ATP13A4: variants seen among roughly 807,000 people sequenced by gnomAD.
The protein encoded by ATP13A4 is probable cation-transporting ATPase 13A4.
ATP13A4 carries 114 observed loss-of-function variants against 142.5 expected under a neutral mutation model. The ratio of observed to expected loss-of-function variants is 0.80; its 90% CI spans 0.69 to 0.93. ATP13A4 has a LOEUF of 0.93. ATP13A4 is among the 40% of genes least tolerant of loss of function. ATP13A4 has a pLI of 0.00. For missense variants in ATP13A4, 1,392 were observed against 1,454.0 expected, an observed-to-expected ratio of 0.96 and a Z score of 0.69; for synonymous variants, 488 against 514.8, an observed-to-expected ratio of 0.95 and a Z score of 0.70.
At position 193,402,861 on chromosome 3, in the gene ATP13A4, C is replaced by A. The variant is rs746075290; in HGVS notation, c.3382G>T (p.Ala1128Ser). The change falls in exon 30 of 30, where the codon GCT becomes TCT. Residue 1128 changes from alanine to serine, a missense_variant. By Grantham distance (99) the Ala-to-Ser change is moderately conservative (BLOSUM62 1). Coordinates refer to ENST00000342695, the MANE Select transcript of ATP13A4 (RefSeq NM_032279.4). ...CACAGGGCTCGATTTTCAATAACAG[C>A]CTCCTGCAAAATAAAATAATTACTT... ...NFIVSLVAEE[A>S]VIENRALWMM... is the part of the protein sequence containing the mutation. 3.9e-5 allele frequency: 63 copies of A among 1,613,636 alleles called. No homozygotes were observed. Among genetic ancestry groups the A allele is most frequent in the Admixed American group, 3.0e-4 (18 of 59,974 alleles).
intron 2 of ATP13A4, among the ~76,000 whole-genome samples, chr3:193,570,246 G>A (rs1195174149): frequency 5.9e-5 from 9 of 152,290 alleles, no homozygotes; most frequent in Non-Finnish European, 1.2e-4. Context: ...CCAGGAGGTC[G>A]AGGCTGCAGT....
chr3:193,474,993 G>A (rs148563442), intron 8 of ATP13A4, among the ~76,000 whole-genome samples: 4 of 152,146 alleles, frequency 2.6e-5, no homozygotes, highest in East Asian at 3.9e-4. Context: ...AAAATTTCCA[G>A]CGCATTCTAT....
intron 1 of ATP13A4, among the ~76,000 whole-genome samples, chr3:193,518,260 A>T (rs1356344599): frequency 6.6e-6 from 1 of 152,204 alleles, no homozygotes; most frequent in Non-Finnish European, 1.5e-5. Context: ...ACACAATGAG[A>T]TTTAATACAG....
At chr3:193,463,103 G>A (rs1221104110) in intron 12 of ATP13A4, among the ~76,000 whole-genome samples, 1 of 152,140 alleles carries the variant, frequency 6.6e-6, no homozygotes, top group Non-Finnish European at 1.5e-5. Flanking sequence ...TTCAAGGAGG[G>A]GCACAATGGG....
At chr3:193,521,401 A>G (rs922206775) in intron 1 of ATP13A4, among the ~76,000 whole-genome samples, 1 of 152,222 alleles carries the variant, frequency 6.6e-6, no homozygotes, top group Non-Finnish European at 1.5e-5. Flanking sequence ...AAAGGAGAGT[A>G]GGAAAGGGCA....
At chr3:193,404,172 A>G in intron 29 of ATP13A4, 4 of 984,996 alleles carry the variant, frequency 4.1e-6, no homozygotes, top group Non-Finnish European at 4.8e-6. Flanking sequence ...TAGAGCTGGG[A>G]TAAGGCAGGA....
chr3:193,477,392 G>A (rs1264699923), intron 8 of ATP13A4, among the ~76,000 whole-genome samples: 4 of 151,976 alleles, frequency 2.6e-5, no homozygotes, highest in East Asian at 1.9e-4. Context: ...TGATAGGTAC[G>A]TGAGGATTTA....
chr3:193,516,882 C>T (rs1384585208), intron 1 of ATP13A4, among the ~76,000 whole-genome samples: 1 of 152,082 alleles, frequency 6.6e-6, no homozygotes, highest in Non-Finnish European at 1.5e-5. Context: ...CTTAATTCCC[C>T]ATTAAGAAAA....
At position 193,399,377 on chromosome 3, in the gene ATP13A4, C is replaced by T. The variant is rs1348628747; in HGVS notation, c.*3275G>A. ...AAGTATTACCCCAGCTTCAATCTGA[C>T]AATCAGGACCCCTACTCTGCCCCTC... On this transcript the variant is annotated 3_prime_UTR_variant, in exon 30 of 30. Transcript: ENST00000342695. Among the ~76,000 whole-genome samples, 1 of 152,302 alleles carries T rather than the reference C, an allele frequency of 6.6e-6. No homozygotes were observed. The highest frequency in any genetic ancestry group is 2.4e-5 in the African/African-American group (1 of 41,570).
At chr3:193,566,835 T>C (rs1872532) in intron 2 of ATP13A4, among the ~76,000 whole-genome samples, 58,837 of 152,076 alleles carry the variant, frequency 0.39, 12,281 homozygotes, top group African/African-American at 0.54. Flanking sequence ...GGCACACATA[T>C]GTTAAAAATG....
chr3:193,433,838 G>A lies in ATP13A4; in HGVS notation c.2842+7C>T, dbSNP rs370356055. 44 of 1,607,504 alleles carry A rather than the reference G, an allele frequency of 2.7e-5. No homozygotes were observed. The highest frequency in any genetic ancestry group is 2.0e-4 in the South Asian group (18 of 90,952). ...ACCTCTGGTAAGAAAGTTTTAAAAT[G>A]TCTTACTTGTTACACCAATAAGAGT... On this transcript the variant is annotated splice_region_variant and intron_variant, in intron 25 of 29. Coordinates refer to ENST00000342695, the MANE Select transcript of ATP13A4 (RefSeq NM_032279.4).
chr3:193,458,791 T>G, intron 14 of ATP13A4: 1 of 594,202 alleles, frequency 1.7e-6, no homozygotes, highest in Admixed American at 3.0e-5. Flanking sequence ...AACTGCATAA[T>G]AAGTACAATT....
intron 2 of ATP13A4, among the ~76,000 whole-genome samples, chr3:193,573,616 C>T (rs4597663): frequency 0.52 from 79,179 of 151,548 alleles, 21,394 homozygotes; most frequent in African/African-American, 0.65. Flanking sequence ...GTTCCCATCC[C>T]CACCACTCTA....
At chr3:193,496,662 G>A (rs995491813) in intron 3 of ATP13A4, among the ~76,000 whole-genome samples, 7 of 152,028 alleles carry the variant, frequency 4.6e-5, no homozygotes, top group African/African-American at 9.7e-5. Flanking sequence ...ATGGTGGTGG[G>A]TGCCTGTAAT....
intron 13 of ATP13A4, among the ~76,000 whole-genome samples, chr3:193,460,683 C>G (rs1717897004): frequency 6.6e-6 from 1 of 152,168 alleles, no homozygotes; most frequent in Non-Finnish European, 1.5e-5. Context: ...GAAAAAAAAT[C>G]TTATTTTTAC....
chr3:193,549,553 G>T (rs979584124), intron 1 of ATP13A4, among the ~76,000 whole-genome samples: 21 of 152,226 alleles, frequency 1.4e-4, no homozygotes, highest in Non-Finnish European at 1.6e-4. Flanking sequence ...ATATTGGCCA[G>T]GTGTGGATGC....
At chr3:193,567,225 A>G (rs1724154522) in intron 2 of ATP13A4, among the ~76,000 whole-genome samples, 1 of 152,210 alleles carries the variant, frequency 6.6e-6, no homozygotes, top group Non-Finnish European at 1.5e-5. Flanking sequence ...ATAAAAAATG[A>G]GCCTGATATT....
intron 17 of ATP13A4, among the ~76,000 whole-genome samples, chr3:193,448,583 G>A (rs111966417): frequency 2.0e-5 from 3 of 152,104 alleles, no homozygotes; most frequent in African/African-American, 7.2e-5. Context: ...TGATTCACCC[G>A]CCTCAGCTTC....
chr3:193,408,122 A>C (rs567698702), intron 28 of ATP13A4, among the ~76,000 whole-genome samples: 2 of 152,368 alleles, frequency 1.3e-5, no homozygotes, highest in South Asian at 4.1e-4. Flanking sequence ...AAAAAGTGCC[A>C]AGGGCATCCC....
Sources: gnomAD v4.1 joint callset for allele counts (sites outside exome capture counted in the v4.1 genomes callset) on GRCh38, gnomAD v4.1.1 for gene constraint, MANE v1.5 for transcripts, NCBI Gene and HGNC (gene_info 2026-07-23, HGNC 2026-07-21) for gene names.